DPP10: variants seen among roughly 807,000 people sequenced by gnomAD.
DPP10 encodes the protein dipeptidyl peptidase like 10.
Under a neutral mutation model 120.9 loss-of-function variants are expected in DPP10, and 33 were observed. That is an observed-to-expected ratio of 0.27 (90% confidence interval 0.21 to 0.37). The LOEUF (loss-of-function observed/expected upper bound fraction) is 0.37. Among genes scored for constraint, DPP10 ranks in the 10% least tolerant of loss-of-function variants. The pLI, the probability that DPP10 is intolerant of heterozygous loss-of-function variation, is 1.00. For synonymous variants in DPP10, 337 were observed against 326.1 expected (o/e 1.03, Z -0.36); for missense variants, 816 against 942.8 (o/e 0.87, Z 1.76).
intron 1 of DPP10, among the ~76,000 whole-genome samples, chr2:115,265,489 G>T (rs1275030499): frequency 6.6e-6 from 1 of 151,904 alleles, no homozygotes; most frequent in Non-Finnish European, 1.5e-5. Flanking sequence ...GATTTTAATT[G>T]CAGTCCACTA....
At chr2:115,554,001 TCACACACACACACA>T (rs71881888) in intron 5 of DPP10, among the ~76,000 whole-genome samples, 175 of 135,594 alleles carry the variant, frequency 1.3e-3, no homozygotes, top group African/African-American at 4.6e-3. Flanking sequence ...TCTCTCTCTT[TCACACACACACACA>T]CACACACACA....
chr2:115,746,702 A>G (rs908055952), intron 10 of DPP10, among the ~76,000 whole-genome samples: 23 of 152,118 alleles, frequency 1.5e-4, no homozygotes, highest in African/African-American at 5.6e-4. Flanking sequence ...AACACATTTT[A>G]TTGGGTCAGA....
intron 1 of DPP10, among the ~76,000 whole-genome samples, chr2:115,222,138 G>A (rs574606533): frequency 2.6e-5 from 4 of 152,060 alleles, no homozygotes; most frequent in East Asian, 1.9e-4. Context: ...TACCACTTAC[G>A]GGGGAAGAAC....
At chr2:115,392,637 A>G (rs1025515002) in intron 3 of DPP10, among the ~76,000 whole-genome samples, 1 of 152,144 alleles carries the variant, frequency 6.6e-6, no homozygotes, top group Non-Finnish European at 1.5e-5. Flanking sequence ...TTCAGGACAG[A>G]TGATTAGATG....
At chr2:114,585,196 C>A (rs1265697206) in intron 1 of DPP10, among the ~76,000 whole-genome samples, 1 of 152,182 alleles carries the variant, frequency 6.6e-6, no homozygotes, top group Non-Finnish European at 1.5e-5. Flanking sequence ...GGGAAGAGAC[C>A]GCTTCCAAGC....
intron 9 of DPP10, among the ~76,000 whole-genome samples, chr2:115,745,506 G>T (rs1222715258): frequency 2.0e-5 from 3 of 150,396 alleles, no homozygotes; most frequent in African/African-American, 7.3e-5. Flanking sequence ...CACCTCCCAA[G>T]GGTTGTCAAT....
intron 1 of DPP10, among the ~76,000 whole-genome samples, chr2:114,655,545 T>C (rs761039689): frequency 7.4e-4 from 113 of 152,318 alleles, no homozygotes; most frequent in Admixed American, 2.1e-3. Context: ...ATAAATTCTT[T>C]AGGAAAAAGA....
At chr2:114,514,128 T>A (rs537743109) in intron 1 of DPP10, among the ~76,000 whole-genome samples, 47 of 152,296 alleles carry the variant, frequency 3.1e-4, no homozygotes, top group African/African-American at 1.1e-3. Context: ...ACCTCCATCA[T>A]AATGTGAAAA....
chr2:115,557,644 C>T (rs1244522068), intron 5 of DPP10, among the ~76,000 whole-genome samples: 1 of 152,164 alleles, frequency 6.6e-6, no homozygotes, highest in Non-Finnish European at 1.5e-5. Context: ...TGTGGAAATA[C>T]TCAGACATAC....
chr2:115,168,892 T>C (rs570950970), intron 1 of DPP10, among the ~76,000 whole-genome samples: 7 of 152,354 alleles, frequency 4.6e-5, no homozygotes, highest in African/African-American at 1.7e-4. Context: ...AAACTCACTT[T>C]TATCCAAAAC....
intron 12 of DPP10, among the ~76,000 whole-genome samples, chr2:115,767,519 T>C (rs1210757305): frequency 6.6e-6 from 1 of 151,836 alleles, no homozygotes; most frequent in Non-Finnish European, 1.5e-5. Context: ...TGTGTGTGTA[T>C]ATATATACAT....
intron 2 of DPP10, among the ~76,000 whole-genome samples, chr2:115,330,252 G>A (rs1326199917): frequency 6.6e-6 from 1 of 152,120 alleles, no homozygotes. Flanking sequence ...AGAAGTGTCT[G>A]TTCATATCTT....
intron 1 of DPP10, among the ~76,000 whole-genome samples, chr2:115,028,104 C>G (rs1703595428): frequency 6.6e-6 from 1 of 151,828 alleles, no homozygotes; most frequent in African/African-American, 2.4e-5. Context: ...CACTATTTTT[C>G]TGCTCCAATT....
At chr2:115,500,503 C>T (rs1173955622) in intron 4 of DPP10, among the ~76,000 whole-genome samples, 1 of 151,564 alleles carries the variant, frequency 6.6e-6, no homozygotes, top group Admixed American at 6.6e-5. Context: ...ATGGAATGGC[C>T]CTATGGAAAA....
chr2:115,129,550 T>C (rs1473767665), intron 1 of DPP10, among the ~76,000 whole-genome samples: 2 of 152,230 alleles, frequency 1.3e-5, no homozygotes, highest in Non-Finnish European at 2.9e-5. Context: ...GAATTTAATA[T>C]ATGCTTAATG....
At chr2:115,377,098 C>G (rs2065869721) in intron 3 of DPP10, among the ~76,000 whole-genome samples, 1 of 152,068 alleles carries the variant, frequency 6.6e-6, no homozygotes. Flanking sequence ...AATGGTATTT[C>G]TAGTTCTAGA....
intron 1 of DPP10, among the ~76,000 whole-genome samples, chr2:114,699,053 A>G (rs748567851): frequency 1.3e-4 from 20 of 152,068 alleles, no homozygotes; most frequent in Non-Finnish European, 2.4e-4. Flanking sequence ...CTTACAATCC[A>G]CTTCAAACCT....
At chr2:115,372,069 AT>A (rs1317436070) in intron 3 of DPP10, among the ~76,000 whole-genome samples, 2 of 152,136 alleles carry the variant, frequency 1.3e-5, no homozygotes, top group Non-Finnish European at 2.9e-5. Context: ...TTTCTTAAAT[AT>A]TCATGTATTA....
intron 3 of DPP10, among the ~76,000 whole-genome samples, chr2:115,414,874 C>T (rs1191395186): frequency 8.0e-5 from 12 of 150,406 alleles, no homozygotes; most frequent in Admixed American, 7.9e-4. Flanking sequence ...ATACTATCTC[C>T]AGGAAAAGGC....
Sources: allele counts gnomAD v4.1 joint callset (sites outside exome capture counted in the v4.1 genomes callset), GRCh38; gene constraint gnomAD v4.1.1; transcripts MANE v1.5; gene names NCBI Gene and HGNC (gene_info 2026-07-23, HGNC 2026-07-21).